Variants in STEAP3 observed in about 807,000 individuals in gnomAD.
STEAP3 encodes the protein STEAP3 metalloreductase, also known as metalloreductase STEAP3.
Under a neutral mutation model 34.9 loss-of-function variants are expected in STEAP3, and 35 were observed. The observed-to-expected ratio is 1.00, with a 90% confidence interval of 0.76 to 1.33. The LOEUF (loss-of-function observed/expected upper bound fraction) is 1.33, where lower values mean the gene tolerates loss of function less well. Ranked by LOEUF, STEAP3 falls within the 40% of genes most tolerant of loss-of-function variation. The pLI is 0.00. For missense variants in STEAP3, 652 were observed against 667.6 expected (o/e 0.98, Z 0.26); for synonymous variants, 281 against 301.6 (o/e 0.93, Z 0.71).
At chr2:119,247,124 G>C (rs1330970439) in intron 3 of STEAP3, among the ~76,000 whole-genome samples, 3 of 152,138 alleles carry the variant, frequency 2.0e-5, no homozygotes, top group Middle Eastern at 3.2e-3. Flanking sequence ...GGACCTCGTG[G>C]GTCAGAGCAG....
chr2:119,232,228 T>G (rs1422182313), intron 2 of STEAP3, among the ~76,000 whole-genome samples: 1 of 152,040 alleles, frequency 6.6e-6, no homozygotes, highest in African/African-American at 2.4e-5. Context: ...AGAGGCAGCT[T>G]GAATGCAGGG....
chr2:119,258,190 T>C (rs74906532), intron 5 of STEAP3, among the ~76,000 whole-genome samples: 2,222 of 152,212 alleles, frequency 0.015, 59 homozygotes, highest in African/African-American at 0.051. Flanking sequence ...ATGGCGCTAG[T>C]GGGAGTGTTT....
At chr2:119,258,906 G>A (rs955448395) in intron 5 of STEAP3, among the ~76,000 whole-genome samples, 7 of 138,164 alleles carry the variant, frequency 5.1e-5, no homozygotes, top group African/African-American at 1.7e-4. Context: ...ATAGGCGTGA[G>A]CCACCGCACC....
intron 1 of STEAP3, among the ~76,000 whole-genome samples, chr2:119,224,324 C>T (rs1389576587): frequency 6.6e-6 from 1 of 152,200 alleles, no homozygotes; most frequent in African/African-American, 2.4e-5. Flanking sequence ...GCCAGACCTC[C>T]CAGTCCCTTC....
At chr2:119,258,928 T>TG (rs77682181) in intron 5 of STEAP3, among the ~76,000 whole-genome samples, 142,532 of 151,842 alleles carry the variant, frequency 0.94, 66,957 homozygotes, top group East Asian at 1. Flanking sequence ...AGCCTTCCTT[T>TG]GGTATTTTTT....
chr2:119,231,035 G>GT lies in STEAP3; in HGVS notation c.22+2dup, dbSNP rs1676918296. The GT allele has an allele frequency of 1.2e-6, 2 of 1,614,082 alleles. No individual in the cohort carries two copies. The highest frequency in any genetic ancestry group is 1.7e-5 in the Admixed American group (1 of 60,002). ...CGGATGTCGCACCAGCCTGCTGTTG[G>GT]TAAGTCTGGCTAGGACGCAGATCCA... On this transcript the variant is annotated splice_donor_variant, in intron 2 of 5. Transcript: ENST00000393110. LOFTEE classifies it high-confidence loss of function.
chr2:119,245,221 A>G (rs1677373736), intron 2 of STEAP3: 2 of 462,696 alleles, frequency 4.3e-6, no homozygotes, highest in South Asian at 9.5e-5. Flanking sequence ...TCACTCTGCC[A>G]GTTTTTCCCG....
At chr2:119,244,285 C>G (rs929531971) in intron 2 of STEAP3, 1 of 144,720 alleles carries the variant, frequency 6.9e-6, no homozygotes, top group Non-Finnish European at 1.5e-5. Flanking sequence ...GCTCTGTCAC[C>G]CAAACTGGAG....
intron 5 of STEAP3, among the ~76,000 whole-genome samples, chr2:119,259,735 A>G (rs1677884383): frequency 6.6e-6 from 1 of 152,216 alleles, no homozygotes; most frequent in Admixed American, 6.5e-5. Flanking sequence ...AGGGAGATGC[A>G]AAGACCTCAC....
intron 4 of STEAP3, 72 bp from the exon 5 acceptor site, chr2:119,254,612 T>G: frequency 1.3e-6 from 2 of 1,577,992 alleles, no homozygotes; most frequent in South Asian, 1.1e-5. Flanking sequence ...CTTTCTTGTG[T>G]CCTTCATCAT....
At chr2:119,229,860 G>A (rs944997705) in intron 1 of STEAP3, among the ~76,000 whole-genome samples, 2 of 152,140 alleles carry the variant, frequency 1.3e-5, no homozygotes, top group Non-Finnish European at 2.9e-5. Context: ...GTCAGTCCCT[G>A]CCTACAGGCC....
chr2:119,254,039 G>A (rs147106988), intron 4 of STEAP3, among the ~76,000 whole-genome samples: 5 of 152,174 alleles, frequency 3.3e-5, no homozygotes, highest in Non-Finnish European at 7.4e-5. Context: ...AGAGCTTTGG[G>A]TCGGGGAGTG....
rs368978605 is a variant in STEAP3, at chr2:119,263,194, C to T, written c.1353C>T (p.Val451=). The T allele has an allele frequency of 2.8e-5, 46 of 1,614,080 alleles. No individual in the cohort carries two copies. Among genetic ancestry groups the T allele is most frequent in the Middle Eastern group, 1.6e-4 (1 of 6,082 alleles). ...CGCTCACGCTGCTGGTGCCCTGCGT[C>T]GTCATCCTGGCCAAAGCCCTGTTTC... ...TFTLTLLVPC[V]VILAKALFLL... is the part of the protein sequence containing the mutation. Residue 451 remains valine, a synonymous_variant, in exon 6 of 6, where the codon GTC becomes GTT. Transcript: ENST00000393110.
intron 1 of STEAP3, among the ~76,000 whole-genome samples, chr2:119,227,038 G>A (rs968156680): frequency 2.6e-4 from 39 of 152,102 alleles, no homozygotes; most frequent in African/African-American, 9.4e-4. Flanking sequence ...CACTAACTTT[G>A]AGCCAGGCAC....
chr2:119,258,693 T>C (rs1677849514), intron 5 of STEAP3, among the ~76,000 whole-genome samples: 3 of 140,182 alleles, frequency 2.1e-5, no homozygotes, highest in South Asian at 2.5e-4. Context: ...CTGCAACCTC[T>C]GCCTCCCGGG....
At chr2:119,241,643 G>T (rs1013462099) in intron 2 of STEAP3, among the ~76,000 whole-genome samples, 1 of 152,160 alleles carries the variant, frequency 6.6e-6, no homozygotes, top group Non-Finnish European at 1.5e-5. Context: ...GAGGCCCAGG[G>T]ACCTCCTATG....
rs1022552559 is a variant in STEAP3, at chr2:119,238,322, T to C, written c.23-7167T>C. 2.6e-5 allele frequency among the ~76,000 whole-genome samples: 4 copies of C among 152,230 alleles called. No individual in the cohort carries two copies. In the East Asian group the frequency reaches 7.7e-4, roughly 29 times the overall value. On this transcript the variant is annotated intron_variant, in intron 2 of 5. Coordinates refer to ENST00000393110, the MANE Select transcript of STEAP3 (RefSeq NM_182915.3). ...CCTCCCTGTCTTTTAAAAAAATATATCATTGTAGCCATCCTAGTGGGTGTG... is the reference window on the plus strand; with the variant it reads ...CCTCCCTGTCTTTTAAAAAAATATACCATTGTAGCCATCCTAGTGGGTGTG...
At chr2:119,247,275 A>G (rs6738309) in intron 3 of STEAP3, among the ~76,000 whole-genome samples, 10,687 of 152,222 alleles carry the variant, frequency 0.07, 957 homozygotes, top group African/African-American at 0.21. Context: ...ACAGCTGCCC[A>G]TTCTGCACCA....
chr2:119,246,548 T>A lies in STEAP3; in HGVS notation c.522+560T>A, dbSNP rs113646472. On this transcript the variant is annotated intron_variant, in intron 3 of 5. Transcript: ENST00000393110. The stretch of plus-strand genomic sequence containing the variant: ...CTTACCAAGACAAGGTGGTTTTTAA[T>A]GCCACCTTGGTTTTTAATGCATTTT... 307 of 155,348 alleles carry A rather than the reference T, an allele frequency of 2.0e-3. 1 individual carries two copies. Among genetic ancestry groups the A allele is most frequent in the Non-Finnish European group, 3.8e-3 (263 of 69,854 alleles). The allele number at this position is 155,348 out of a possible 1,614,324, so 9.6% of individuals were successfully genotyped here.
Sources: allele counts gnomAD v4.1 joint callset (sites outside exome capture counted in the v4.1 genomes callset), GRCh38; gene constraint gnomAD v4.1.1; transcripts MANE v1.5; gene names NCBI Gene and HGNC (gene_info 2026-07-23, HGNC 2026-07-21).